DYNC2H1: variants seen among roughly 807,000 people sequenced by gnomAD.
DYNC2H1 encodes dynein cytoplasmic 2 heavy chain 1, also known as cytoplasmic dynein 2 heavy chain 1.
Under a neutral mutation model 570.0 loss-of-function variants are expected in DYNC2H1, and 410 were observed. The ratio of observed to expected loss-of-function variants is 0.72; its 90% CI spans 0.66 to 0.78. The LOEUF (loss-of-function observed/expected upper bound fraction) is 0.78, where lower values mean the gene tolerates loss of function less well. Ranked by LOEUF, DYNC2H1 falls within the 30% of genes least tolerant of loss-of-function variation. The pLI is 0.00. For synonymous variants in DYNC2H1, 1,688 were observed against 1,677.6 expected (o/e 1.01, Z -0.15); for missense variants, 4,865 against 5,046.4 (o/e 0.96, Z 1.09).
In DYNC2H1 at chr11:103,478,429, A is replaced by G. The variant is rs185216074; in HGVS notation, c.12766-666A>G. 3.9e-5 allele frequency among the ~76,000 whole-genome samples: 6 copies of G among 152,232 alleles called. No homozygotes were observed. In the South Asian group the frequency reaches 1.0e-3, roughly 26 times the overall value. ...CTCTAATAGCCAAAAAAGAGAGACA[A>G]CCAGACATATGCTGCTTGATGGAAA... On this transcript the variant is annotated intron_variant, in intron 88 of 88. Coordinates refer to ENST00000375735, the MANE Select transcript of DYNC2H1 (RefSeq NM_001377.3).
At chr11:103,413,920 CTTGTCCTTTTGT>C (rs1426852122) in intron 84 of DYNC2H1, among the ~76,000 whole-genome samples, 2 of 152,132 alleles carry the variant, frequency 1.3e-5, no homozygotes, top group Non-Finnish European at 2.9e-5. Flanking sequence ...ACTTCCAGAG[CTTGTCCTTTTGT>C]TTGTCCTTTT....
At position 103,479,458 on chromosome 11, in the gene DYNC2H1, C is replaced by G. The variant is rs1243859981; in HGVS notation, c.*205C>G. 1 of 459,398 alleles carries G rather than the reference C, an allele frequency of 2.2e-6. No individual in the cohort carries two copies. The highest frequency in any genetic ancestry group is 3.5e-6 in the Non-Finnish European group (1 of 286,090). 28.5% of individuals were successfully genotyped at this position (459,398 alleles called of 1,614,324 possible). A position where few individuals can be genotyped will look rare whatever the true frequency, so the allele number is the denominator to read the frequency against. On this transcript the variant is annotated 3_prime_UTR_variant, in exon 89 of 89. Coordinates refer to ENST00000375735, the MANE Select transcript of DYNC2H1 (RefSeq NM_001377.3). ...TAAATTAATGGAGTTATTGTTAAAA[C>G]AGAGTATTCTTTTGACAACATTAAA...
In DYNC2H1 at chr11:103,479,314, T is replaced by C; in HGVS notation, c.*61T>C. ...GAACATTGATTCTTTAAGCTTTAAA[T>C]CAAACATGTGGTCAGTCTACATTTG... is the stretch of plus-strand genomic sequence containing the variant. On this transcript the variant is annotated 3_prime_UTR_variant, in exon 89 of 89. Coordinates refer to ENST00000375735, the MANE Select transcript of DYNC2H1 (RefSeq NM_001377.3). 1 of 1,550,436 alleles carries C rather than the reference T, an allele frequency of 6.4e-7. No individual in the cohort carries two copies. Among genetic ancestry groups the C allele is most frequent in the Non-Finnish European group, 8.7e-7 (1 of 1,145,078 alleles).
At chr11:103,119,409 G>A (rs1186469234) in intron 6 of DYNC2H1, among the ~76,000 whole-genome samples, 1 of 151,934 alleles carries the variant, frequency 6.6e-6, no homozygotes, top group East Asian at 1.9e-4. Context: ...AGGTGATCTT[G>A]GCTCACTGCA....
At chr11:103,453,447 T>G (rs144504317) in intron 85 of DYNC2H1, among the ~76,000 whole-genome samples, 238 of 151,792 alleles carry the variant, frequency 1.6e-3, no homozygotes, top group African/African-American at 5.5e-3. Context: ...TGTTATTTAT[T>G]TATCTCATTA....
In DYNC2H1 at chr11:103,253,273, T is replaced by A; in HGVS notation, c.10043-12T>A. The A allele has an allele frequency of 6.3e-7, 1 of 1,596,818 alleles. No homozygotes were observed. The highest frequency in any genetic ancestry group is 8.5e-7 in the Non-Finnish European group (1 of 1,171,162). ...GATTCAGACCAACCAATTGTGTGTTTTTTTTAAATAGGACCACGTTATGTG... is the reference window on the plus strand; with the variant it reads ...GATTCAGACCAACCAATTGTGTGTTATTTTTAAATAGGACCACGTTATGTG... On this transcript the variant is annotated splice_polypyrimidine_tract_variant and intron_variant, in intron 65 of 88. Coordinates refer to ENST00000375735, the MANE Select transcript of DYNC2H1 (RefSeq NM_001377.3).
intron 17 of DYNC2H1, among the ~76,000 whole-genome samples, chr11:103,140,726 T>A (rs922409637): frequency 1.6e-4 from 24 of 152,196 alleles, no homozygotes; most frequent in Non-Finnish European, 2.8e-4. Flanking sequence ...ACATTCTCTG[T>A]ATTTCCTGAA....
chr11:103,314,048 A>T (rs12289380), intron 79 of DYNC2H1, among the ~76,000 whole-genome samples: 5,275 of 152,316 alleles, frequency 0.035, 317 homozygotes, highest in African/African-American at 0.12. Flanking sequence ...TTATTGAGAA[A>T]AGTTACATTA....
rs968970450 is a variant in DYNC2H1, at chr11:103,209,752, T to A, written c.8455-124T>A. 16 of 669,256 alleles carry A rather than the reference T, an allele frequency of 2.4e-5. No individual in the cohort carries two copies. Among genetic ancestry groups the A allele is most frequent in the Non-Finnish European group, 3.2e-5 (15 of 467,314 alleles). The allele number at this position is 669,256 out of a possible 1,614,324, so 41.5% of individuals were successfully genotyped here. On this transcript the variant is annotated intron_variant, in intron 52 of 88. Transcript: ENST00000375735. The surrounding 1 kb of genome is among the most constrained non-coding windows in gnomAD (Gnocchi z 4.2). ...TAAAGATTTCTGTATTATTTTTGTC[T>A]CTTAGTCTGGAATGAATCCTAGAAG...
Position 103,199,923 on chromosome 11 carries a change from T to C in DYNC2H1, c.8089-123T>C. The C allele has an allele frequency of 1.5e-6, 1 of 659,908 alleles. No homozygotes were observed. The allele number at this position is 659,908 out of a possible 1,614,324, so 40.9% of individuals were successfully genotyped here. On this transcript the variant is annotated intron_variant, in intron 49 of 88. Transcript: ENST00000375735. This position sits in a 1 kb window ranked among gnomAD's most constrained non-coding sequence, Gnocchi z 4.6. The stretch of plus-strand genomic sequence containing the variant: ...AAAGTTTGATTTTTAATTATTAAAA[T>C]GGAAATAAATGAATAAATAAACACA...
At position 103,264,127 on chromosome 11, in the gene DYNC2H1, C is replaced by T. The variant is rs530632628; in HGVS notation, c.10695+4150C>T. On this transcript the variant is annotated intron_variant, in intron 70 of 88. Transcript: ENST00000375735. This position sits in a 1 kb window ranked among gnomAD's most constrained non-coding sequence, Gnocchi z 4.8. ...TAGAAGAAATGGATAAATTCCTGGACACATACACCCTCCCAAGACTAAACC... is the reference window on the plus strand; with the variant it reads ...TAGAAGAAATGGATAAATTCCTGGATACATACACCCTCCCAAGACTAAACC... 1.3e-5 allele frequency among the ~76,000 whole-genome samples: 2 copies of T among 152,244 alleles called. No individual in the cohort carries two copies. The highest frequency in any genetic ancestry group is 2.4e-5 in the African/African-American group (1 of 41,552).
At chr11:103,191,713 A>G (rs933608016) in intron 46 of DYNC2H1, 94 bp downstream of exon 46, 2 of 523,282 alleles carry the variant, frequency 3.8e-6, no homozygotes, top group African/African-American at 4.0e-5. Context: ...AATGCGTATT[A>G]TATCACAAGT....
rs560913083 is a variant in DYNC2H1 at position 103,417,569 on chromosome 11, G to T, written c.12366+17697G>T. ...CATCATCCCCACAATACTAGTGTAG[G>T]CTAACATTTTAAAAATTGATCCGTG... is the stretch of plus-strand genomic sequence containing the variant. On this transcript the variant is annotated intron_variant, in intron 84 of 88. Coordinates refer to ENST00000375735, the MANE Select transcript of DYNC2H1 (RefSeq NM_001377.3). 1.9e-4 allele frequency among the ~76,000 whole-genome samples: 29 copies of T among 152,036 alleles called. No individual in the cohort carries two copies. The East Asian group carries it at 3.3e-3, about 17-fold the overall frequency.
rs1407460926 is a variant in DYNC2H1 at position 103,215,826 on chromosome 11, G to T, written c.8800G>T (p.Ala2934Ser). The change falls in exon 55 of 89, where the codon GCT becomes TCT. Residue 2934 changes from alanine (A) to serine (S), a missense_variant. By Grantham distance (99) the Ala-to-Ser change is moderately conservative. Around this residue, in one of 5 missense-constraint regions of DYNC2H1, gnomAD observed 2,401 missense variants for 2,454.6 expected, o/e 0.98. Coordinates refer to ENST00000375735, the MANE Select transcript of DYNC2H1 (RefSeq NM_001377.3). ...LLKTKQDEAD[A>S]ALQMITVSMQ... is the part of the protein sequence containing the mutation. ...TAAAACGAAGCAAGATGAAGCAGATGCTGCCCTTCAAATGATCACAGTGTC... is the reference window on the plus strand; with the variant it reads ...TAAAACGAAGCAAGATGAAGCAGATTCTGCCCTTCAAATGATCACAGTGTC... 7 of 1,612,598 alleles carry T rather than the reference G, an allele frequency of 4.3e-6. No individual in the cohort carries two copies. The highest frequency in any genetic ancestry group is 5.9e-6 in the Non-Finnish European group (7 of 1,179,258).
chr11:103,455,455 C>T (rs544640238), intron 86 of DYNC2H1, among the ~76,000 whole-genome samples, 160 bp downstream of exon 86: 1 of 152,142 alleles, frequency 6.6e-6, no homozygotes, highest in Admixed American at 6.5e-5. Context: ...TACAGTTAAC[C>T]TTTAGCTTAA....
At chr11:103,316,332 T>A (rs1937838559) in intron 79 of DYNC2H1, among the ~76,000 whole-genome samples, 1 of 152,072 alleles carries the variant, frequency 6.6e-6, no homozygotes, top group Non-Finnish European at 1.5e-5. Flanking sequence ...AAAACTAGTA[T>A]GGTATTATAA....
rs1865449825 is a variant in DYNC2H1, at chr11:103,264,957, T to C, written c.10695+4980T>C. ...TCTGTTTGGAGATGACATGATTGTA[T>C]ATTTAGAAAACCCCATCGTCTCAGC... On this transcript the variant is annotated intron_variant, in intron 70 of 88. Coordinates refer to ENST00000375735, the MANE Select transcript of DYNC2H1 (RefSeq NM_001377.3). The surrounding 1 kb of genome is among the most constrained non-coding windows in gnomAD (Gnocchi z 4.8). Among the ~76,000 whole-genome samples, 1 of 152,186 alleles carries C rather than the reference T, an allele frequency of 6.6e-6. No individual in the cohort carries two copies.
At chr11:103,206,186 A>G (rs916993162) in intron 52 of DYNC2H1, among the ~76,000 whole-genome samples, 1 of 152,166 alleles carries the variant, frequency 6.6e-6, no homozygotes, top group Non-Finnish European at 1.5e-5. Flanking sequence ...ACAGATTGTA[A>G]TAAGGTGTAA....
At chr11:103,115,004 G>A (rs747256720) in intron 3 of DYNC2H1, among the ~76,000 whole-genome samples, 173 bp from the exon 4 acceptor site, 4 of 152,046 alleles carry the variant, frequency 2.6e-5, no homozygotes, top group Non-Finnish European at 4.4e-5. Context: ...ACTTCAGGAA[G>A]GACACTTTGT....
Sources: gnomAD v4.1 joint callset for allele counts (sites outside exome capture counted in the v4.1 genomes callset) on GRCh38, gnomAD v4.1.1 for gene constraint, gnomAD v4.1.1 regional missense constraint, Gnocchi (gnomAD v3.1) non-coding constraint, MANE v1.5 for transcripts, NCBI Gene and HGNC (gene_info 2026-07-23, HGNC 2026-07-21) for gene names.